PLCL1: variants seen among roughly 807,000 people sequenced by gnomAD.
PLCL1 encodes phospholipase C like 1 (inactive), also known as inactive phospholipase C-like protein 1.
A neutral mutation model predicts 84.4 loss-of-function variants in PLCL1; 41 were observed. The ratio of observed to expected loss-of-function variants is 0.49; its 90% CI spans 0.38 to 0.63. The LOEUF (loss-of-function observed/expected upper bound fraction) is 0.63. PLCL1 is among the 30% of genes least tolerant of loss of function. The pLI, the probability that PLCL1 is intolerant of heterozygous loss-of-function variation, is 0.00. For missense variants in PLCL1, 1,206 were observed against 1,367.8 expected, an observed-to-expected ratio of 0.88 and a Z score of 1.87; for synonymous variants, 490 against 488.3, an observed-to-expected ratio of 1.00 and a Z score of -0.05.
Position 198,080,938 on chromosome 2 carries a change from G to A in PLCL1, c.241-2820G>A, listed in dbSNP as rs541769187. Among the ~76,000 whole-genome samples, 112 of 152,276 alleles carry A rather than the reference G, an allele frequency of 7.4e-4. 1 individual carries two copies. Among genetic ancestry groups the A allele is most frequent in the Middle Eastern group, 6.8e-3 (2 of 294 alleles). ...CTTTTGCAGGCTAGATGTAAAACAT[G>A]TATTTCTTGAAGGCTTGGCATTCTA... On this transcript the variant is annotated intron_variant, in intron 1 of 5. Transcript: ENST00000428675.
At chr2:198,060,449 C>A (rs576373066) in intron 1 of PLCL1, among the ~76,000 whole-genome samples, 1 of 152,298 alleles carries the variant, frequency 6.6e-6, no homozygotes, top group African/African-American at 2.4e-5. Context: ...GTGTTAAACA[C>A]AAATGTACTG....
chr2:197,969,108 G>A (rs1030426720), intron 1 of PLCL1, among the ~76,000 whole-genome samples: 2 of 152,146 alleles, frequency 1.3e-5, no homozygotes, highest in African/African-American at 4.8e-5. Context: ...TGTGCCTTAT[G>A]AGAGTCTAAT....
rs1168941003 is a variant in PLCL1, at chr2:197,924,779, A to G, written c.240+119440A>G. Reference sequence around the variant, plus strand: ...GGAACGTATTCATTATATTCTGAGGACTTAAGTGGTTGACTGAAAACCCAG... The same window carrying G: ...GGAACGTATTCATTATATTCTGAGGGCTTAAGTGGTTGACTGAAAACCCAG... On this transcript the variant is annotated intron_variant, in intron 1 of 5. Coordinates refer to ENST00000428675, the MANE Select transcript of PLCL1 (RefSeq NM_006226.4). Among the ~76,000 whole-genome samples the G allele has an allele frequency of 2.0e-5, 3 of 151,950 alleles. No individual in the cohort carries two copies. In the East Asian group the frequency reaches 5.8e-4, roughly 29 times the overall value.
intron 1 of PLCL1, among the ~76,000 whole-genome samples, chr2:198,080,761 A>G (rs962488655): frequency 1.3e-5 from 2 of 152,214 alleles, no homozygotes; most frequent in Non-Finnish European, 2.9e-5. Context: ...GAGACTTGTA[A>G]TGACTTTGGA....
intron 1 of PLCL1, among the ~76,000 whole-genome samples, chr2:198,055,976 G>C (rs1004262526): frequency 6.6e-6 from 1 of 152,092 alleles, no homozygotes; most frequent in Admixed American, 6.5e-5. Context: ...CAGGTTCCAA[G>C]TAGGAAAGAA....
intron 5 of PLCL1, among the ~76,000 whole-genome samples, chr2:198,110,048 T>C (rs886818693): frequency 2.0e-5 from 3 of 151,806 alleles, no homozygotes; most frequent in African/African-American, 7.2e-5. Context: ...CCTTCTTATT[T>C]ATTCATGACT....
intron 5 of PLCL1, among the ~76,000 whole-genome samples, chr2:198,121,219 C>T (rs1406166082): frequency 6.6e-6 from 1 of 151,970 alleles, no homozygotes; most frequent in African/African-American, 2.4e-5. Flanking sequence ...TTATTAATCC[C>T]TTGTCAGATA....
At chr2:197,934,870 T>C (rs1667594319) in intron 1 of PLCL1, among the ~76,000 whole-genome samples, 1 of 152,002 alleles carries the variant, frequency 6.6e-6, no homozygotes, top group Non-Finnish European at 1.5e-5. Flanking sequence ...TAGGAGAAAA[T>C]ATCTGCAAAT....
chr2:197,980,814 A>G (rs1690090082), intron 1 of PLCL1, among the ~76,000 whole-genome samples: 1 of 152,212 alleles, frequency 6.6e-6, no homozygotes, highest in Non-Finnish European at 1.5e-5. Context: ...GAATTTTAAA[A>G]TTTAATATTC....
intron 1 of PLCL1, among the ~76,000 whole-genome samples, chr2:197,993,664 A>C (rs1690392884): frequency 6.6e-6 from 1 of 152,192 alleles, no homozygotes; most frequent in African/African-American, 2.4e-5. Flanking sequence ...AGGACTGCCC[A>C]GCAGAAGCTG....
At chr2:198,104,991 T>C (rs1297977591) in intron 5 of PLCL1, among the ~76,000 whole-genome samples, 2 of 152,084 alleles carry the variant, frequency 1.3e-5, no homozygotes, top group African/African-American at 4.8e-5. Flanking sequence ...GCTGTCTTGA[T>C]AGTTTCTTTT....
At chr2:197,837,502 C>A (rs1385641569) in intron 1 of PLCL1, among the ~76,000 whole-genome samples, 1 of 152,166 alleles carries the variant, frequency 6.6e-6, no homozygotes, top group Non-Finnish European at 1.5e-5. Context: ...TCAAGATCAG[C>A]TGACTTCAGG....
intron 1 of PLCL1, among the ~76,000 whole-genome samples, chr2:197,897,349 G>A (rs564663187): frequency 6.6e-6 from 1 of 151,980 alleles, no homozygotes; most frequent in African/African-American, 2.4e-5. Context: ...ACATTATAAT[G>A]AATTTGCATT....
In PLCL1 at chr2:198,083,801, CT is replaced by C; in HGVS notation, c.287del (p.Phe96SerfsTer26). 6.2e-7 allele frequency: 1 copy of C among 1,603,538 alleles called. No homozygotes were observed. The highest frequency in any genetic ancestry group is 8.5e-7 in the Non-Finnish European group (1 of 1,174,036). On this transcript the variant is annotated frameshift_variant, in exon 2 of 6. Transcript: ENST00000428675. LOFTEE classifies it high-confidence loss of function. ...QKCGGRKKTV[S>X]FSSMPSEKKI... is the part of the protein sequence containing the mutation. ...TGTGGTGGAAGAAAGAAAACCGTGT[CT>C]TTCAGCAGCATGCCATCGGAAAAGA...
intron 1 of PLCL1, among the ~76,000 whole-genome samples, chr2:197,979,031 A>G (rs1412836094): frequency 6.6e-6 from 1 of 152,210 alleles, no homozygotes; most frequent in East Asian, 1.9e-4. Flanking sequence ...CTGTAGGCCC[A>G]GTTTTCTTAG....
chr2:198,081,154 C>A (rs934060729), intron 1 of PLCL1, among the ~76,000 whole-genome samples: 2 of 152,146 alleles, frequency 1.3e-5, no homozygotes, highest in Non-Finnish European at 2.9e-5. Flanking sequence ...TTTAGAGTAG[C>A]ATTAATTTCC....
chr2:198,008,866 G>A (rs1314987228), intron 1 of PLCL1, among the ~76,000 whole-genome samples: 1 of 151,856 alleles, frequency 6.6e-6, no homozygotes. Flanking sequence ...CCAATGCTTG[G>A]TATTTTACGC....
chr2:198,002,425 T>G lies in PLCL1; in HGVS notation c.241-81333T>G, dbSNP rs192611911. ...AGTGACAAATAATTTTCCAAAGTGT[T>G]TGTACCAATTTACATGACTACAAAT... is the stretch of plus-strand genomic sequence containing the variant. On this transcript the variant is annotated intron_variant, in intron 1 of 5. Transcript: ENST00000428675. Among the ~76,000 whole-genome samples, 34 of 152,360 alleles carry G rather than the reference T, an allele frequency of 2.2e-4. 1 individual carries two copies. Among genetic ancestry groups the G allele is most frequent in the African/African-American group, 7.9e-4 (33 of 41,592 alleles).
chr2:197,825,369 T>C (rs1189596752), intron 1 of PLCL1, among the ~76,000 whole-genome samples: 1 of 152,180 alleles, frequency 6.6e-6, no homozygotes, highest in East Asian at 1.9e-4. Context: ...GTAGAAGGCA[T>C]AGGCAGTATT....
Sources: allele counts gnomAD v4.1 joint callset (sites outside exome capture counted in the v4.1 genomes callset), GRCh38; gene constraint gnomAD v4.1.1; transcripts MANE v1.5; gene names NCBI Gene and HGNC (gene_info 2026-07-23, HGNC 2026-07-21).